ATAD2B: variants seen among roughly 807,000 people sequenced by gnomAD.
The protein encoded by ATAD2B is ATPase family AAA domain-containing protein 2B.
In ATAD2B, 40 loss-of-function variants were observed where a neutral mutation model predicts 167.6. The ratio of observed to expected loss-of-function variants is 0.24; its 90% CI spans 0.19 to 0.31. The LOEUF (loss-of-function observed/expected upper bound fraction) is 0.31. Ranked by LOEUF, ATAD2B falls within the 10% of genes least tolerant of loss-of-function variation. The pLI is 1.00. For missense variants in ATAD2B, 1,242 were observed against 1,757.2 expected, an observed-to-expected ratio of 0.71 and a Z score of 5.24; for synonymous variants, 579 against 596.5, an observed-to-expected ratio of 0.97 and a Z score of 0.43.
At chr2:23,872,066 C>T (rs1386726343) in intron 8 of ATAD2B, among the ~76,000 whole-genome samples, 1 of 152,058 alleles carries the variant, frequency 6.6e-6, no homozygotes, top group African/African-American at 2.4e-5. Flanking sequence ...TTAGTAGAGA[C>T]AGGGTTTCAC....
chr2:23,915,571 G>C (rs1702920234), intron 1 of ATAD2B, among the ~76,000 whole-genome samples: 2 of 140,558 alleles, frequency 1.4e-5, no homozygotes, highest in African/African-American at 5.3e-5. Flanking sequence ...AAACAACCAT[G>C]TCTGACTACC....
intron 13 of ATAD2B, among the ~76,000 whole-genome samples, chr2:23,854,390 A>G (rs1658147876): frequency 6.6e-6 from 1 of 152,066 alleles, no homozygotes; most frequent in Admixed American, 6.6e-5. Context: ...ATTAAGAGCT[A>G]ACACTGGCTG....
At chr2:23,698,130 G>C in the ATAD2B span, among the ~76,000 whole-genome samples, 2 of 152,246 alleles carry the variant, frequency 1.3e-5, no homozygotes, top group East Asian at 3.8e-4. Context: ...GCCTGTATGG[G>C]CCTTCCCTGG....
At chr2:23,767,997 A>T (rs1163261673) in intron 22 of ATAD2B, among the ~76,000 whole-genome samples, 1 of 152,156 alleles carries the variant, frequency 6.6e-6, no homozygotes, top group African/African-American at 2.4e-5. Context: ...CAGTTTGGAG[A>T]TGCCTAAAAA....
intron 13 of ATAD2B, among the ~76,000 whole-genome samples, chr2:23,852,349 T>G (rs140105197): frequency 1.3e-5 from 2 of 152,160 alleles, no homozygotes; most frequent in African/African-American, 4.8e-5. Flanking sequence ...GCTCTTGCAC[T>G]CCTAGACTCA....
intron 22 of ATAD2B, among the ~76,000 whole-genome samples, chr2:23,768,005 A>G (rs911667253): frequency 3.3e-5 from 5 of 152,234 alleles, no homozygotes; most frequent in African/African-American, 1.2e-4. Flanking sequence ...AGATGCCTAA[A>G]AAATATCCCA....
chr2:23,860,074 T>C (rs976444719), intron 12 of ATAD2B, among the ~76,000 whole-genome samples: 1 of 151,616 alleles, frequency 6.6e-6, no homozygotes, highest in Non-Finnish European at 1.5e-5. Flanking sequence ...ATCTAAGGAG[T>C]AGATTTATTA....
At chr2:23,680,769 CTCTAGGCCATCTTCTCCT>C in the ATAD2B span, among the ~76,000 whole-genome samples, 4 of 151,810 alleles carry the variant, frequency 2.6e-5, no homozygotes, top group Non-Finnish European at 5.9e-5. The surrounding 1 kb of genome is among the most constrained non-coding windows in gnomAD (Gnocchi z 4.1). Context: ...CTCCTGGGGT[CTCTAGGCCATCTTCTCCT>C]GGGGTCTCTA....
At chr2:23,696,044 A>C in the ATAD2B span, 26 of 1,551,584 alleles carry the variant, frequency 1.7e-5, no homozygotes, top group African/African-American at 3.6e-4. This position sits in a 1 kb window ranked among gnomAD's most constrained non-coding sequence, Gnocchi z 5.5. Context: ...AACCCGCAGA[A>C]CAACAAGTGG....
At chr2:23,703,118 C>T in the ATAD2B span, 11 of 1,213,538 alleles carry the variant, frequency 9.1e-6, no homozygotes, top group Non-Finnish European at 1.1e-5. Flanking sequence ...GTTTGCTGCC[C>T]TTGCTTGTGA....
At chr2:23,732,532 G>A in the ATAD2B span, among the ~76,000 whole-genome samples, 1 of 152,108 alleles carries the variant, frequency 6.6e-6, no homozygotes, top group Non-Finnish European at 1.5e-5. Flanking sequence ...ATAAATTCAT[G>A]ATTAACCTAT....
chr2:23,828,167 G>C (rs1308762169), intron 15 of ATAD2B, among the ~76,000 whole-genome samples: 1 of 151,824 alleles, frequency 6.6e-6, no homozygotes, highest in African/African-American at 2.4e-5. Context: ...TGTATATTCA[G>C]GTGCCTAACA....
chr2:23,870,725 A>C (rs1433727562), intron 8 of ATAD2B, among the ~76,000 whole-genome samples: 1 of 152,012 alleles, frequency 6.6e-6, no homozygotes, highest in East Asian at 1.9e-4. Context: ...CAGACATTTA[A>C]AGAACAAAGG....
At chr2:23,847,916 C>T (rs1222250711) in intron 13 of ATAD2B, among the ~76,000 whole-genome samples, 1 of 150,826 alleles carries the variant, frequency 6.6e-6, no homozygotes, top group African/African-American at 2.4e-5. Flanking sequence ...TCGCTTGAAC[C>T]CAGGAGGCGG....
At chr2:23,858,112 T>TTTTATTTA (rs201688452) in intron 12 of ATAD2B, among the ~76,000 whole-genome samples, 6 of 150,562 alleles carry the variant, frequency 4.0e-5, no homozygotes, top group South Asian at 2.1e-4. Context: ...TTGTTTTAGG[T>TTTTATTTA]TTTATTTATT....
the ATAD2B span, among the ~76,000 whole-genome samples, chr2:23,682,918 G>T: frequency 6.6e-6 from 1 of 152,114 alleles, no homozygotes; most frequent in African/African-American, 2.4e-5. This position sits in a 1 kb window ranked among gnomAD's most constrained non-coding sequence, Gnocchi z 4.1. Flanking sequence ...AGAGGGCAGG[G>T]CCCCCAACCC....
intron 13 of ATAD2B, among the ~76,000 whole-genome samples, chr2:23,851,269 C>T (rs1692519203): frequency 6.6e-6 from 1 of 152,074 alleles, no homozygotes; most frequent in Admixed American, 6.6e-5. Flanking sequence ...CGTCAGCCTC[C>T]CAAGTAGCTA....
At chr2:23,740,835 A>C in the ATAD2B span, among the ~76,000 whole-genome samples, 1 of 152,228 alleles carries the variant, frequency 6.6e-6, no homozygotes, top group Non-Finnish European at 1.5e-5. Context: ...CCTCAAGCTG[A>C]TAAGCAACTT....
chr2:23,715,835 T>C, the ATAD2B span, among the ~76,000 whole-genome samples: 6 of 152,234 alleles, frequency 3.9e-5, no homozygotes, highest in Non-Finnish European at 7.3e-5. Flanking sequence ...ATTTTAAACA[T>C]AATCTGTTAA....
Sources: gnomAD v4.1 joint callset for allele counts (sites outside exome capture counted in the v4.1 genomes callset) on GRCh38, gnomAD v4.1.1 for gene constraint, Gnocchi (gnomAD v3.1) non-coding constraint, MANE v1.5 for transcripts, NCBI Gene and HGNC (gene_info 2026-07-23, HGNC 2026-07-21) for gene names.